The following AP2M1 variants were observed in gnomAD, a reference collection of about 807,000 sequenced individuals.
AP2M1 encodes the protein adaptor related protein complex 2 subunit mu 1, also known as AP-2 complex subunit mu.
AP2M1 carries 5 observed loss-of-function variants against 54.5 expected under a neutral mutation model. The observed-to-expected ratio is 0.09, with a 90% CI of 0.05 to 0.19. The LOEUF is 0.19. AP2M1 is among the 10% of genes least tolerant of loss of function. The pLI, the probability that AP2M1 is intolerant of heterozygous loss-of-function variation, is 1.00. For missense variants in AP2M1, 178 were observed against 580.2 expected (o/e 0.31, Z 7.12); for synonymous variants, 186 against 208.2 (o/e 0.89, Z 0.92).
Position 184,180,493 on chromosome 3 carries a change from TG to T in AP2M1, c.424-147del. On this transcript the variant is annotated intron_variant, in intron 4 of 11. Coordinates refer to ENST00000292807, the MANE Select transcript of AP2M1 (RefSeq NM_004068.4). This position sits in a 1 kb window ranked among gnomAD's most constrained non-coding sequence, Gnocchi z 4.9. ...AGCAGTTTCCTTTTGCACTGAGGGG[TG>T]GGGGAGGAGGCCTGGTCTTGAGGCC... The T allele has an allele frequency of 3.2e-6, 4 of 1,244,696 alleles. No individual in the cohort carries two copies. In the South Asian group the frequency reaches 4.1e-5, roughly 13 times the overall value. The allele number at this position is 1,244,696 out of a possible 1,614,324, so 77.1% of individuals were successfully genotyped here.
chr3:184,176,718 T>G, intron 1 of AP2M1: 6 of 450,276 alleles, frequency 1.3e-5, no homozygotes, highest in South Asian at 5.0e-5. Context: ...AAAGGGAGGG[T>G]CAAAATGGCC....
Position 184,183,322 on chromosome 3 carries a change from A to T in AP2M1, c.1174-160A>T. ...TGTCACAGGTAGGGCTTTCTTCTTT[A>T]GTCACCTCTTAGAAGGTCCCACGCC... On this transcript the variant is annotated intron_variant, in intron 11 of 11. Coordinates refer to ENST00000292807, the MANE Select transcript of AP2M1 (RefSeq NM_004068.4). This position sits in a 1 kb window ranked among gnomAD's most constrained non-coding sequence, Gnocchi z 5.7. 9.8e-7 allele frequency: 1 copy of T among 1,024,898 alleles called. No homozygotes were observed. The highest frequency in any genetic ancestry group is 1.4e-6 in the Non-Finnish European group (1 of 701,508). The allele number at this position is 1,024,898 out of a possible 1,614,324, so 63.5% of individuals were successfully genotyped here. A position where few individuals can be genotyped will look rare whatever the true frequency, so the allele number is the denominator to read the frequency against.
In AP2M1 at chr3:184,180,663, C is replaced by G. The variant is rs926795618; in HGVS notation, c.429+13C>G. 3.7e-6 allele frequency: 6 copies of G among 1,614,124 alleles called. No homozygotes were observed. Among genetic ancestry groups the G allele is most frequent in the Non-Finnish European group, 5.1e-6 (6 of 1,180,062 alleles). Reference sequence around the variant, plus strand: ...CCTCCAGCATCAGGTAAGCTCTTCCCTCAGCTTCCACCCTTGCAGCTTTGC... The same window carrying G: ...CCTCCAGCATCAGGTAAGCTCTTCCGTCAGCTTCCACCCTTGCAGCTTTGC... On this transcript the variant is annotated intron_variant, in intron 5 of 11. Transcript: ENST00000292807. This position sits in a 1 kb window ranked among gnomAD's most constrained non-coding sequence, Gnocchi z 4.9.
chr3:184,182,976 AAAG>A lies in AP2M1; in HGVS notation c.1173+114_1173+116del, dbSNP rs768647913. The A allele has an allele frequency of 4.8e-5, 44 of 913,702 alleles. No individual in the cohort carries two copies. The East Asian group carries it at 6.0e-4, about 12-fold the overall frequency. 56.6% of individuals were successfully genotyped at this position (913,702 alleles called of 1,614,324 possible). The stretch of plus-strand genomic sequence containing the variant: ...TAGAGGTGAGGAAACTGAGGCCTAG[AAAG>A]AAGAACTGGCTTTAATTCATAGATC... On this transcript the variant is annotated intron_variant, in intron 11 of 11. Coordinates refer to ENST00000292807, the MANE Select transcript of AP2M1 (RefSeq NM_004068.4). This position sits in a 1 kb window ranked among gnomAD's most constrained non-coding sequence, Gnocchi z 5.5.
Position 184,180,221 on chromosome 3 carries a change from C to T in AP2M1, c.393C>T (p.Thr131=). ...PQNSETGALK[T]FITQQGIKSQ... ...ATTCCGAGACAGGCGCGCTGAAAAC[C>T]TTCATCACGCAGCAGGGCATCAAGA... The change falls in exon 4 of 12, where the codon ACC becomes ACT. Residue 131 remains threonine (T), a synonymous_variant. Transcript: ENST00000292807. The surrounding 1 kb of genome is among the most constrained non-coding windows in gnomAD (Gnocchi z 4.9). The T allele has an allele frequency of 1.2e-6, 2 of 1,614,174 alleles. No homozygotes were observed. The highest frequency in any genetic ancestry group is 2.7e-5 in the African/African-American group (2 of 75,042).
In AP2M1 at chr3:184,180,384, G is replaced by C; in HGVS notation, c.423+133G>C. The stretch of plus-strand genomic sequence containing the variant: ...AGTGCTGGCCTGAGCCTCCTGCCAT[G>C]ATTGCAGGCCGATTTTGCTCTGTGT... On this transcript the variant is annotated intron_variant, in intron 4 of 11. Coordinates refer to ENST00000292807, the MANE Select transcript of AP2M1 (RefSeq NM_004068.4). This position sits in a 1 kb window ranked among gnomAD's most constrained non-coding sequence, Gnocchi z 4.9. 8.2e-7 allele frequency: 1 copy of C among 1,215,694 alleles called. No individual in the cohort carries two copies. The allele number at this position is 1,215,694 out of a possible 1,614,324, so 75.3% of individuals were successfully genotyped here. A position where few individuals can be genotyped will look rare whatever the true frequency, so the allele number is the denominator to read the frequency against.
intron 1 of AP2M1, among the ~76,000 whole-genome samples, chr3:184,176,054 G>A (rs1029136775): frequency 6.6e-6 from 1 of 152,160 alleles, no homozygotes; most frequent in Non-Finnish European, 1.5e-5. Context: ...AAATAATTTG[G>A]ATAATTCAGG....
intron 2 of AP2M1, chr3:184,177,425 G>T: frequency 1.1e-6 from 1 of 939,862 alleles, no homozygotes; most frequent in South Asian, 1.6e-5. Flanking sequence ...TGGCCACGCT[G>T]GAGGCACTAA....
At chr3:184,179,645 T>G (rs1338493473) in intron 3 of AP2M1, among the ~76,000 whole-genome samples, 2 of 149,242 alleles carry the variant, frequency 1.3e-5, no homozygotes, top group Non-Finnish European at 3.0e-5. Context: ...CATGTGACTC[T>G]TCTATTGATT....
Position 184,180,552 on chromosome 3 carries a change from TCTC to T in AP2M1, c.424-89_424-87del, listed in dbSNP as rs1312350842. The T allele has an allele frequency of 6.3e-7, 1 of 1,594,908 alleles. No homozygotes were observed. Among genetic ancestry groups the T allele is most frequent in the African/African-American group, 1.3e-5 (1 of 74,362 alleles). On this transcript the variant is annotated intron_variant, in intron 4 of 11. Coordinates refer to ENST00000292807, the MANE Select transcript of AP2M1 (RefSeq NM_004068.4). This position sits in a 1 kb window ranked among gnomAD's most constrained non-coding sequence, Gnocchi z 4.9. ...CCTCAGGAGGAGCGAGCTTGGGCCC[TCTC>T]CTCTAGGATCCAAGCCTCATAGCTT...
Position 184,181,419 on chromosome 3 carries a change from CTTTG to C in AP2M1, c.707+198_707+201del, listed in dbSNP as rs931728348. 8 of 946,566 alleles carry C rather than the reference CTTTG, an allele frequency of 8.5e-6. No homozygotes were observed. Among genetic ancestry groups the C allele is most frequent in the African/African-American group, 6.7e-5 (4 of 60,040 alleles). The allele number at this position is 946,566 out of a possible 1,614,324, so 58.6% of individuals were successfully genotyped here. The stretch of plus-strand genomic sequence containing the variant: ...GGGATCGTCCTCAGAGAGCAAGCCC[CTTTG>C]TTTGGTCCCTAGGACCAAGGCCTTT... On this transcript the variant is annotated intron_variant, in intron 7 of 11. Coordinates refer to ENST00000292807, the MANE Select transcript of AP2M1 (RefSeq NM_004068.4). This position sits in a 1 kb window ranked among gnomAD's most constrained non-coding sequence, Gnocchi z 5.7.
At position 184,181,594 on chromosome 3, in the gene AP2M1, G is replaced by A; in HGVS notation, c.708-102G>A. The A allele has an allele frequency of 1.3e-6, 2 of 1,487,858 alleles. No individual in the cohort carries two copies. The highest frequency in any genetic ancestry group is 1.8e-6 in the Non-Finnish European group (2 of 1,086,104). 92.2% of individuals were successfully genotyped at this position (1,487,858 alleles called of 1,614,324 possible). The stretch of plus-strand genomic sequence containing the variant: ...CGAGTCACAAAGCTGCATTCTAGCA[G>A]CTTTTCATAGTCTCTGGTGCCAGCC... On this transcript the variant is annotated intron_variant, in intron 7 of 11. Transcript: ENST00000292807. This position sits in a 1 kb window ranked among gnomAD's most constrained non-coding sequence, Gnocchi z 5.7.
chr3:184,177,460 G>A (rs1460132300), intron 2 of AP2M1: 1 of 1,321,960 alleles, frequency 7.6e-7, no homozygotes, highest in East Asian at 2.5e-5. Context: ...GCTCTCAGAA[G>A]CCCTTCCCAT....
chr3:184,175,486 C>T (rs1013278798), intron 1 of AP2M1, among the ~76,000 whole-genome samples: 2 of 152,144 alleles, frequency 1.3e-5, no homozygotes, highest in African/African-American at 2.4e-5. Flanking sequence ...AAGCCTACCA[C>T]CCTCTCATTA....
rs777051307 is a variant in AP2M1, at chr3:184,181,400, G to A, written c.707+174G>A. ...TAGTGCTACGAGAGATGAGGGGATC[G>A]TCCTCAGAGAGCAAGCCCCTTTGTT... On this transcript the variant is annotated intron_variant, in intron 7 of 11. Coordinates refer to ENST00000292807, the MANE Select transcript of AP2M1 (RefSeq NM_004068.4). This position sits in a 1 kb window ranked among gnomAD's most constrained non-coding sequence, Gnocchi z 5.7. The A allele has an allele frequency of 2.0e-5, 21 of 1,027,646 alleles. No individual in the cohort carries two copies. Among genetic ancestry groups the A allele is most frequent in the Middle Eastern group, 6.4e-4 (2 of 3,128 alleles). The allele number at this position is 1,027,646 out of a possible 1,614,324, so 63.7% of individuals were successfully genotyped here. A position where few individuals can be genotyped will look rare whatever the true frequency, so the allele number is the denominator to read the frequency against.
In AP2M1 at chr3:184,180,087, T is replaced by C. The variant is rs1311078154; in HGVS notation, c.341-82T>C. The C allele has an allele frequency of 2.3e-6, 3 of 1,332,916 alleles. No individual in the cohort carries two copies. Among genetic ancestry groups the C allele is most frequent in the Non-Finnish European group, 3.2e-6 (3 of 932,578 alleles). The allele number at this position is 1,332,916 out of a possible 1,614,324, so 82.6% of individuals were successfully genotyped here. On this transcript the variant is annotated intron_variant, in intron 3 of 11. Coordinates refer to ENST00000292807, the MANE Select transcript of AP2M1 (RefSeq NM_004068.4). This position sits in a 1 kb window ranked among gnomAD's most constrained non-coding sequence, Gnocchi z 4.9. ...GATCCCACATGGGCTTTGGGAGCTG[T>C]GCCGGTCAGATGTGTAGGCCCAAGT...
At position 184,181,054 on chromosome 3, in the gene AP2M1, G is replaced by A. The variant is rs374550984; in HGVS notation, c.566-31G>A. Reference sequence around the variant, plus strand: ...ATCCTGGGCCTGCCTGCCTGACTCCGCTGCTCCCCATTTATCTGTTCCATC... The same window carrying A: ...ATCCTGGGCCTGCCTGCCTGACTCCACTGCTCCCCATTTATCTGTTCCATC... On this transcript the variant is annotated intron_variant, in intron 6 of 11. Transcript: ENST00000292807. The surrounding 1 kb of genome is among the most constrained non-coding windows in gnomAD (Gnocchi z 5.7). 16 of 1,613,996 alleles carry A rather than the reference G, an allele frequency of 9.9e-6. No individual in the cohort carries two copies. Among genetic ancestry groups the A allele is most frequent in the African/African-American group, 4.0e-5 (3 of 74,918 alleles).
intron 2 of AP2M1, 83 bp downstream of exon 2, chr3:184,177,150 T>C: frequency 1.4e-6 from 2 of 1,383,696 alleles, no homozygotes; most frequent in East Asian, 2.4e-5. Flanking sequence ...TTTCCCACCA[T>C]TGGCTTGACT....
chr3:184,183,878 T>C lies in AP2M1; in HGVS notation c.*262T>C, dbSNP rs1802857. The C allele has an allele frequency of 1.5e-4, 63 of 418,838 alleles. 4 individuals carry two copies. The highest frequency in any genetic ancestry group is 1.1e-3 in the Admixed American group (31 of 28,486). The allele number at this position is 418,838 out of a possible 1,614,324, so 25.9% of individuals were successfully genotyped here. ...TGGCCTAATGCCAGGCTCTGAGTTC[T>C]GTGACCAAAGCCAGGTGGGTTCCCT... On this transcript the variant is annotated 3_prime_UTR_variant, in exon 12 of 12. Transcript: ENST00000292807. This position sits in a 1 kb window ranked among gnomAD's most constrained non-coding sequence, Gnocchi z 5.7.
Sources: gnomAD v4.1 joint callset for allele counts (sites outside exome capture counted in the v4.1 genomes callset) on GRCh38, gnomAD v4.1.1 for gene constraint, Gnocchi (gnomAD v3.1) non-coding constraint, MANE v1.5 for transcripts, NCBI Gene and HGNC (gene_info 2026-07-23, HGNC 2026-07-21) for gene names.